TTBK2: variants seen among roughly 807,000 people sequenced by gnomAD.
TTBK2 encodes tau-tubulin kinase 2.
A neutral mutation model predicts 110.8 loss-of-function variants in TTBK2; 28 were observed. That is an observed-to-expected ratio of 0.25 (90% confidence interval 0.19 to 0.35). The LOEUF (loss-of-function observed/expected upper bound fraction) is 0.35. Ranked by LOEUF, TTBK2 falls within the 10% of genes least tolerant of loss-of-function variation. The pLI, the probability that TTBK2 is intolerant of heterozygous loss-of-function variation, is 1.00. For synonymous variants in TTBK2, 532 were observed against 527.3 expected, an observed-to-expected ratio of 1.01 and a Z score of -0.12; for missense variants, 1,369 against 1,500.3, an observed-to-expected ratio of 0.91 and a Z score of 1.45.
At chr15:42,794,933 G>A in intron 9 of TTBK2, 132 bp from the exon 10 acceptor site, 4 of 1,143,726 alleles carry the variant, frequency 3.5e-6, no homozygotes, top group South Asian at 1.3e-5. Flanking sequence ...GGCTCAAATT[G>A]CGAAATTTGA....
chr15:42,885,178 G>A (rs1036889152), intron 1 of TTBK2, among the ~76,000 whole-genome samples: 1 of 152,194 alleles, frequency 6.6e-6, no homozygotes, highest in Non-Finnish European at 1.5e-5. Context: ...ACACAGACAC[G>A]TGAGACATTT....
chr15:42,789,796 T>C (rs963054930), intron 10 of TTBK2, among the ~76,000 whole-genome samples: 5 of 151,710 alleles, frequency 3.3e-5, no homozygotes, highest in African/African-American at 1.2e-4. Context: ...TGTGTGTAAG[T>C]ATTTATACAT....
chr15:42,898,179 T>C (rs1895741862), intron 1 of TTBK2, among the ~76,000 whole-genome samples: 1 of 152,094 alleles, frequency 6.6e-6, no homozygotes. Context: ...AAATGAGTAA[T>C]CAAGGTTCAA....
At chr15:42,753,731 C>T (rs1248257072) in intron 13 of TTBK2, among the ~76,000 whole-genome samples, 14 of 152,166 alleles carry the variant, frequency 9.2e-5, no homozygotes, top group Admixed American at 2.0e-4. Flanking sequence ...AGCTACTACC[C>T]TCGCCAAGTT....
At chr15:42,801,767 C>T (rs1891219277) in intron 9 of TTBK2, 1 of 821,986 alleles carries the variant, frequency 1.2e-6, no homozygotes, top group Non-Finnish European at 2.1e-6. Flanking sequence ...GCAGTCAGCT[C>T]TTTCAGGGAA....
At chr15:42,872,177 G>C (rs1403202683) in intron 3 of TTBK2, among the ~76,000 whole-genome samples, 1 of 152,068 alleles carries the variant, frequency 6.6e-6, no homozygotes, top group Non-Finnish European at 1.5e-5. Flanking sequence ...ATAATCAACA[G>C]TATTATTTTT....
intron 13 of TTBK2, among the ~76,000 whole-genome samples, chr15:42,758,364 G>A (rs2061974735): frequency 6.6e-6 from 1 of 152,066 alleles, no homozygotes; most frequent in Non-Finnish European, 1.5e-5. Flanking sequence ...TAGAAATGTT[G>A]AAAATTATAG....
intron 13 of TTBK2, among the ~76,000 whole-genome samples, chr15:42,764,363 C>T (rs886628462): frequency 6.6e-5 from 10 of 152,334 alleles, no homozygotes; most frequent in African/African-American, 2.2e-4. Context: ...CAAGGGAAGC[C>T]GTGACAGACG....
chr15:42,819,348 CAA>C (rs199603804), intron 6 of TTBK2, among the ~76,000 whole-genome samples: 14 of 97,994 alleles, frequency 1.4e-4, no homozygotes, highest in African/African-American at 1.1e-4. Context: ...GACTCTGTCT[CAA>C]AAAAAAAAAA....
At chr15:42,897,231 A>G (rs1895701381) in intron 1 of TTBK2, among the ~76,000 whole-genome samples, 1 of 152,208 alleles carries the variant, frequency 6.6e-6, no homozygotes, top group Non-Finnish European at 1.5e-5. Flanking sequence ...TGTTAAAGAA[A>G]AAGAATATTT....
intron 13 of TTBK2, among the ~76,000 whole-genome samples, chr15:42,765,329 G>A (rs1167256620): frequency 6.6e-6 from 1 of 152,178 alleles, no homozygotes; most frequent in Non-Finnish European, 1.5e-5. Context: ...CGAGCTAAAG[G>A]AGGATGTTTG....
intron 4 of TTBK2, among the ~76,000 whole-genome samples, chr15:42,836,627 T>TAG (rs1892996105): frequency 6.6e-6 from 1 of 152,178 alleles, no homozygotes; most frequent in African/African-American, 2.4e-5. Context: ...ACCAGTCTCT[T>TAG]AGGTTTCCCA....
intron 1 of TTBK2, among the ~76,000 whole-genome samples, chr15:42,894,773 G>A (rs935914167): frequency 6.6e-6 from 1 of 151,920 alleles, no homozygotes; most frequent in South Asian, 2.1e-4. Context: ...CAAAAAATAA[G>A]AGACCCATAT....
At chr15:42,900,032 T>C (rs2029896664) in intron 1 of TTBK2, among the ~76,000 whole-genome samples, 1 of 151,788 alleles carries the variant, frequency 6.6e-6, no homozygotes, top group Non-Finnish European at 1.5e-5. Context: ...TCACTCTTGT[T>C]GCCCAGGCTG....
chr15:42,895,539 A>AT lies in TTBK2; in HGVS notation c.-67-16856dup, dbSNP rs1019730546. ...AAAATAGAATGTATACATCAAAAAG[A>AT]TTTTTTTTTTTTTTTTGAGATGGAG... On this transcript the variant is annotated intron_variant, in intron 1 of 14. Transcript: ENST00000267890. Among the ~76,000 whole-genome samples the AT allele has an allele frequency of 2.8e-3, 393 of 142,298 alleles. 1 individual carries two copies. The highest frequency in any genetic ancestry group is 0.012 in the South Asian group (52 of 4,454). 93.4% of individuals were successfully genotyped at this position (142,298 alleles called of 152,430 possible).
intron 3 of TTBK2, among the ~76,000 whole-genome samples, chr15:42,858,463 G>C (rs981655740): frequency 6.6e-6 from 1 of 152,130 alleles, no homozygotes; most frequent in African/African-American, 2.4e-5. Context: ...TTAAGACTGA[G>C]CTGAGTTTTG....
At chr15:42,760,384 C>CAAAA (rs3036888) in intron 13 of TTBK2, among the ~76,000 whole-genome samples, 1 of 89,174 alleles carries the variant, frequency 1.1e-5, no homozygotes, top group East Asian at 3.2e-4. Flanking sequence ...GACTCCATCT[C>CAAAA]AAAAAAAAAA....
Position 42,787,305 on chromosome 15 carries a change from T to C in TTBK2, c.981-3670A>G, listed in dbSNP as rs193014410. 1.6e-3 allele frequency among the ~76,000 whole-genome samples: 250 copies of C among 152,314 alleles called. 1 individual carries two copies. Among genetic ancestry groups the C allele is most frequent in the South Asian group, 8.5e-3 (41 of 4,824 alleles). ...TGGCTCATGATTTAAAGCGTCCTCTTACCTTCTAAACTTTCATTCTCCCTC... is the reference window on the plus strand; with the variant it reads ...TGGCTCATGATTTAAAGCGTCCTCTCACCTTCTAAACTTTCATTCTCCCTC... On this transcript the variant is annotated intron_variant, in intron 10 of 14. Coordinates refer to ENST00000267890, the MANE Select transcript of TTBK2 (RefSeq NM_173500.4).
At chr15:42,772,919 AAACAACAACAAC>A (rs554385514) in intron 13 of TTBK2, among the ~76,000 whole-genome samples, 7 of 151,914 alleles carry the variant, frequency 4.6e-5, no homozygotes, top group African/African-American at 1.7e-4. Context: ...TGTCTCTACA[AAACAACAACAAC>A]AACAACAACA....
Sources: gnomAD v4.1 joint callset for allele counts (sites outside exome capture counted in the v4.1 genomes callset) on GRCh38, gnomAD v4.1.1 for gene constraint, MANE v1.5 for transcripts, NCBI Gene and HGNC (gene_info 2026-07-23, HGNC 2026-07-21) for gene names.